Variants in TSPAN15 observed in about 807,000 individuals in gnomAD.
TSPAN15 encodes the protein tetraspanin-15.
TSPAN15 carries 20 observed loss-of-function variants against 34.5 expected under a neutral mutation model. The ratio of observed to expected loss-of-function variants is 0.58; its 90% CI spans 0.41 to 0.84. The LOEUF is 0.84. Ranked by LOEUF, TSPAN15 falls within the 40% of genes least tolerant of loss-of-function variation. TSPAN15 has a pLI of 0.00. For synonymous variants in TSPAN15, 155 were observed against 153.9 expected (o/e 1.01, Z -0.05); for missense variants, 313 against 386.1 (o/e 0.81, Z 1.59).
At chr10:69,513,946 A>G in the TSPAN15 span, among the ~76,000 whole-genome samples, 1 of 152,242 alleles carries the variant, frequency 6.6e-6, no homozygotes, top group Non-Finnish European at 1.5e-5. Context: ...GTTGTATAGC[A>G]AATGTCAGAG....
chr10:69,455,991 T>G (rs1298250204), intron 1 of TSPAN15, among the ~76,000 whole-genome samples: 1 of 152,202 alleles, frequency 6.6e-6, no homozygotes, highest in East Asian at 1.9e-4. Flanking sequence ...TGCCTGTTTT[T>G]GTATGTGCAT....
intron 3 of TSPAN15, among the ~76,000 whole-genome samples, chr10:69,488,320 G>T (rs918164157): frequency 1.1e-4 from 16 of 152,188 alleles, no homozygotes; most frequent in African/African-American, 3.6e-4. Context: ...GGTAGGAAGG[G>T]CAGTGTATGA....
chr10:69,462,358 G>A (rs558542492), intron 1 of TSPAN15, among the ~76,000 whole-genome samples: 5 of 150,984 alleles, frequency 3.3e-5, no homozygotes, highest in African/African-American at 4.9e-5. Context: ...TTTTTGAGAC[G>A]GAGTCTTGCT....
At chr10:69,530,820 C>CTCTCTCTCTCTA in the TSPAN15 span, among the ~76,000 whole-genome samples, 4 of 30,780 alleles carry the variant, frequency 1.3e-4, no homozygotes, top group Non-Finnish European at 1.8e-4. Context: ...CTCTCTCTCT[C>CTCTCTCTCTCTA]TATATATATA....
chr10:69,512,124 AG>A (rs1283637305), downstream of TSPAN15, among the ~76,000 whole-genome samples: 2 of 152,148 alleles, frequency 1.3e-5, no homozygotes, highest in African/African-American at 4.8e-5. Context: ...GTACCTGGAG[AG>A]GGCTTTGTCC....
In TSPAN15 at chr10:69,505,803, A is replaced by T. The variant is rs563368203; in HGVS notation, c.619-321A>T. ...ATGGAAAACATCCGTGAGGCTTTTC[A>T]TGCAGGGACATCTGAGAAGCACACA... On this transcript the variant is annotated intron_variant, in intron 6 of 7. Coordinates refer to ENST00000373290, the MANE Select transcript of TSPAN15 (RefSeq NM_012339.5). 5.9e-5 allele frequency among the ~76,000 whole-genome samples: 9 copies of T among 152,344 alleles called. No homozygotes were observed. The South Asian group carries it at 1.9e-3, about 32-fold the overall frequency.
the TSPAN15 span, among the ~76,000 whole-genome samples, chr10:69,532,898 T>C: frequency 6.6e-6 from 1 of 152,124 alleles, no homozygotes; most frequent in South Asian, 2.1e-4. Context: ...AAAGAAGGTA[T>C]ACAAATGCCC....
downstream of TSPAN15, among the ~76,000 whole-genome samples, chr10:69,507,923 G>T (rs988088266): frequency 6.6e-6 from 1 of 151,976 alleles, no homozygotes; most frequent in African/African-American, 2.4e-5. Flanking sequence ...TGGGGTGGAT[G>T]GGGTGGGGGA....
At chr10:69,524,642 A>G in the TSPAN15 span, among the ~76,000 whole-genome samples, 34 of 74,258 alleles carry the variant, frequency 4.6e-4, 1 homozygote, top group Non-Finnish European at 8.0e-4. Context: ...GCAAACTAGA[A>G]AAAAAAAAAA....
At chr10:69,538,677 C>T in the TSPAN15 span, among the ~76,000 whole-genome samples, 2 of 152,350 alleles carry the variant, frequency 1.3e-5, no homozygotes, top group Admixed American at 6.5e-5. Flanking sequence ...TGACTAGAGG[C>T]TCCATAGGCA....
At chr10:69,521,821 C>T in the TSPAN15 span, among the ~76,000 whole-genome samples, 1 of 147,180 alleles carries the variant, frequency 6.8e-6, no homozygotes, top group Non-Finnish European at 1.5e-5. Context: ...CTTCAGCTTG[C>T]AGATGGCAGA....
At chr10:69,529,632 C>T in the TSPAN15 span, among the ~76,000 whole-genome samples, 1 of 147,790 alleles carries the variant, frequency 6.8e-6, no homozygotes, top group Non-Finnish European at 1.5e-5. Flanking sequence ...GACAATCTCC[C>T]AATGGTATTT....
At chr10:69,512,291 C>T (rs148682411), downstream of TSPAN15, among the ~76,000 whole-genome samples, 108 of 152,260 alleles carry the variant, frequency 7.1e-4, no homozygotes, top group East Asian at 0.02. Flanking sequence ...TTTGTGCAGC[C>T]TACATCATTT....
chr10:69,469,946 A>G (rs540784610), intron 1 of TSPAN15, among the ~76,000 whole-genome samples: 4 of 152,320 alleles, frequency 2.6e-5, no homozygotes, highest in African/African-American at 9.6e-5. Context: ...CTGGTCTCTC[A>G]AGAGAATCAA....
intron 1 of TSPAN15, 125 bp downstream of exon 1, chr10:69,451,815 C>A: frequency 1.5e-6 from 1 of 685,882 alleles, no homozygotes; most frequent in Non-Finnish European, 2.1e-6. Context: ...CGCGCGCGGA[C>A]TCCTTGTCTT....
At chr10:69,489,325 A>G (rs1261328486) in intron 3 of TSPAN15, among the ~76,000 whole-genome samples, 1 of 152,144 alleles carries the variant, frequency 6.6e-6, no homozygotes, top group Non-Finnish European at 1.5e-5. Flanking sequence ...TTCAAGGTGC[A>G]CTGATTTCAT....
At chr10:69,493,546 C>A (rs1030669575) in intron 3 of TSPAN15, among the ~76,000 whole-genome samples, 1 of 148,514 alleles carries the variant, frequency 6.7e-6, no homozygotes, top group Non-Finnish European at 1.5e-5. Flanking sequence ...CATCTCGGCT[C>A]ACTGCAACCT....
the TSPAN15 span, among the ~76,000 whole-genome samples, chr10:69,531,947 A>AAG: frequency 2.3e-5 from 3 of 128,380 alleles, no homozygotes; most frequent in Non-Finnish European, 5.2e-5. Flanking sequence ...AAACAAAAAA[A>AAG]AAACAAAAAA....
At chr10:69,483,600 C>T (rs1841784683) in intron 1 of TSPAN15, 91 bp from the exon 2 acceptor site, 1 of 1,405,870 alleles carries the variant, frequency 7.1e-7, no homozygotes, top group Non-Finnish European at 9.7e-7. Flanking sequence ...CAAGCCTCCC[C>T]CACAGCAGGT....
Sources: gnomAD v4.1 joint callset for allele counts (sites outside exome capture counted in the v4.1 genomes callset) on GRCh38, gnomAD v4.1.1 for gene constraint, MANE v1.5 for transcripts, NCBI Gene and HGNC (gene_info 2026-07-23, HGNC 2026-07-21) for gene names.